The following C8orf90 variants were observed in gnomAD, a reference collection of about 807,000 sequenced individuals.
C8orf90 encodes the protein chromosome 8 open reading frame 90, also known as uncharacterized protein C8orf90.
At chr8:141,518,072 C>A in the C8orf90 span, 2 of 511,544 alleles carry the variant, frequency 3.9e-6, no homozygotes, top group Non-Finnish European at 6.8e-6. Flanking sequence ...CTGGCCATCC[C>A]CAGCTCTGCC....
the C8orf90 span, among the ~76,000 whole-genome samples, chr8:141,517,886 C>T: frequency 6.6e-6 from 1 of 152,218 alleles, no homozygotes; most frequent in Non-Finnish European, 1.5e-5. Context: ...TCGCTCAGTC[C>T]CCACGTGGTC....
chr8:141,516,377 C>G, the C8orf90 span, among the ~76,000 whole-genome samples: 1 of 152,204 alleles, frequency 6.6e-6, no homozygotes, highest in Non-Finnish European at 1.5e-5. Context: ...CCACTCTCAC[C>G]GGGTTTTAAT....
At chr8:141,518,464 C>T in the C8orf90 span, 10 of 654,756 alleles carry the variant, frequency 1.5e-5, no homozygotes, top group Non-Finnish European at 2.7e-5. Flanking sequence ...CTTCCTGCTG[C>T]GCGGCCCCGG....
At chr8:141,518,067 C>T in the C8orf90 span, 1 of 507,864 alleles carries the variant, frequency 2.0e-6, no homozygotes. Flanking sequence ...TGGCCCTGGC[C>T]ATCCCCAGCT....
At chr8:141,515,210 TCACC>T in the C8orf90 span, among the ~76,000 whole-genome samples, 1 of 123,528 alleles carries the variant, frequency 8.1e-6, no homozygotes, top group African/African-American at 3.1e-5. Flanking sequence ...ACCCACCCAT[TCACC>T]CACCCACCCA....
the C8orf90 span, among the ~76,000 whole-genome samples, chr8:141,517,083 G>T: frequency 6.6e-6 from 1 of 152,226 alleles, no homozygotes; most frequent in Non-Finnish European, 1.5e-5. Flanking sequence ...CCGGGGGCGT[G>T]GCATAGTGGA....
chr8:141,518,440 C>G, the C8orf90 span: 4 of 665,376 alleles, frequency 6.0e-6, no homozygotes, highest in Non-Finnish European at 1.1e-5. Context: ...CCCCCGCGAC[C>G]GCGCAGACTT....
chr8:141,515,692 C>A, the C8orf90 span, among the ~76,000 whole-genome samples: 4 of 152,134 alleles, frequency 2.6e-5, no homozygotes, highest in African/African-American at 9.7e-5. Context: ...CTCCTCACAT[C>A]TTTGCCATGG....
chr8:141,516,617 G>T, the C8orf90 span, among the ~76,000 whole-genome samples: 3 of 152,072 alleles, frequency 2.0e-5, no homozygotes, highest in Non-Finnish European at 1.5e-5. Context: ...CTCTGCTTGC[G>T]CTTCTGCCCT....
At chr8:141,517,791 G>A in the C8orf90 span, among the ~76,000 whole-genome samples, 1 of 152,156 alleles carries the variant, frequency 6.6e-6, no homozygotes, top group African/African-American at 2.4e-5. Flanking sequence ...CACAGCGGCC[G>A]GATCAACTTT....
the C8orf90 span, among the ~76,000 whole-genome samples, chr8:141,517,588 C>A: frequency 1.3e-5 from 2 of 152,192 alleles, no homozygotes; most frequent in Non-Finnish European, 2.9e-5. Context: ...CCGCACCTCC[C>A]TCTGGATTCC....
chr8:141,516,997 G>A, the C8orf90 span, among the ~76,000 whole-genome samples: 2 of 152,190 alleles, frequency 1.3e-5, no homozygotes, highest in African/African-American at 4.8e-5. Context: ...CTCAAACAGA[G>A]CCTGCCTGCC....
the C8orf90 span, chr8:141,514,874 T>C: frequency 7.7e-6 from 5 of 649,678 alleles, no homozygotes. Flanking sequence ...CAGAAGAAGA[T>C]GCTCTGCCAA....
chr8:141,518,482 C>A, the C8orf90 span: 1 of 638,598 alleles, frequency 1.6e-6, no homozygotes. Flanking sequence ...CGGAGCTTCG[C>A]CCCCAGCGCT....
chr8:141,514,720 C>T, the C8orf90 span: 1 of 701,756 alleles, frequency 1.4e-6, no homozygotes, highest in Non-Finnish European at 2.6e-6. Context: ...GTCCTGGGAC[C>T]CCCAGCCCAG....
the C8orf90 span, chr8:141,518,150 C>A: frequency 5.7e-6 from 3 of 529,934 alleles, no homozygotes; most frequent in South Asian, 2.4e-5. Context: ...CCTGGTCTCC[C>A]GCCTGCGCGG....
chr8:141,516,889 C>G, the C8orf90 span, among the ~76,000 whole-genome samples: 19 of 152,202 alleles, frequency 1.2e-4, no homozygotes, highest in Non-Finnish European at 2.6e-4. Flanking sequence ...GGTTGGTTGG[C>G]TCCATTTTCA....
At chr8:141,518,360 A>G in the C8orf90 span, 1 of 673,568 alleles carries the variant, frequency 1.5e-6, no homozygotes, top group Non-Finnish European at 2.7e-6. Flanking sequence ...CTCACCGAGA[A>G]CTTCACGCTG....
At chr8:141,518,451 C>A in the C8orf90 span, 3 of 661,544 alleles carry the variant, frequency 4.5e-6, no homozygotes, top group Non-Finnish European at 8.2e-6. Context: ...GCGCAGACTT[C>A]GACTTCCTGC....
Sources: gnomAD v4.1 joint callset for allele counts (sites outside exome capture counted in the v4.1 genomes callset) on GRCh38, gnomAD v4.1.1 for gene constraint, MANE v1.5 for transcripts, NCBI Gene and HGNC (gene_info 2026-07-23, HGNC 2026-07-21) for gene names.